Variants in WDR4 observed in about 807,000 individuals in gnomAD.
WDR4 encodes the protein tRNA (guanine-N(7)-)-methyltransferase non-catalytic subunit WDR4.
Under a neutral mutation model 48.6 loss-of-function variants are expected in WDR4, and 47 were observed. The ratio of observed to expected loss-of-function variants is 0.97; its 90% CI spans 0.77 to 1.23. WDR4 has a LOEUF of 1.23. Among genes scored for constraint, WDR4 ranks in the 50% most tolerant of loss-of-function variants. WDR4 has a pLI of 0.00. For missense variants in WDR4, 606 were observed against 551.6 expected, an observed-to-expected ratio of 1.10 and a Z score of -0.99; for synonymous variants, 268 against 230.0, an observed-to-expected ratio of 1.17 and a Z score of -1.49.
In WDR4 at chr21:42,862,192, G is replaced by C. The variant is rs1444461981; in HGVS notation, c.566+90C>G. 1 of 1,253,764 alleles carries C rather than the reference G, an allele frequency of 8.0e-7. No individual in the cohort carries two copies. Among genetic ancestry groups the C allele is most frequent in the African/African-American group, 1.5e-5 (1 of 67,168 alleles). 77.7% of individuals were successfully genotyped at this position (1,253,764 alleles called of 1,614,324 possible). A position where few individuals can be genotyped will look rare whatever the true frequency, so the allele number is the denominator to read the frequency against. On this transcript the variant is annotated intron_variant, in intron 5 of 10. Transcript: ENST00000398208. The surrounding 1 kb of genome is among the most constrained non-coding windows in gnomAD (Gnocchi z 4.3). ...GCTGCTGTCACCCGCGTGGGGCCTC[G>C]CCAGCTACAACGGCACCTGCTGAGC...
In WDR4 at chr21:42,851,096, G is replaced by C. The variant is rs1332875929; in HGVS notation, c.1046-854C>G. Among the ~76,000 whole-genome samples, 3 of 152,208 alleles carry C rather than the reference G, an allele frequency of 2.0e-5. No homozygotes were observed. In the East Asian group the frequency reaches 5.8e-4, roughly 29 times the overall value. On this transcript the variant is annotated intron_variant, in intron 10 of 10. Transcript: ENST00000398208. Reference sequence around the variant, plus strand: ...CCGGGAACAGGCTGCTCTATCTATGGAACATCTCAGGAGAGCGAGCCCAGG... The same window carrying C: ...CCGGGAACAGGCTGCTCTATCTATGCAACATCTCAGGAGAGCGAGCCCAGG...
At position 42,861,040 on chromosome 21, in the gene WDR4, G is replaced by A. The variant is rs575599520; in HGVS notation, c.566+1242C>T. Among the ~76,000 whole-genome samples, 11 of 152,304 alleles carry A rather than the reference G, an allele frequency of 7.2e-5. No homozygotes were observed. In the East Asian group the frequency reaches 1.2e-3, roughly 16 times the overall value. On this transcript the variant is annotated intron_variant, in intron 5 of 10. Transcript: ENST00000398208. ...AAAAGTAAACGGGCAGGCCGGGCACGGTGGCTCACGCCTGTAATCCCAGCA... is the reference window on the plus strand; with the variant it reads ...AAAAGTAAACGGGCAGGCCGGGCACAGTGGCTCACGCCTGTAATCCCAGCA...
chr21:42,877,256 G>A (rs570343363), intron 1 of WDR4, among the ~76,000 whole-genome samples: 7 of 143,718 alleles, frequency 4.9e-5, no homozygotes, highest in Admixed American at 7.3e-5. Flanking sequence ...CAATTCTCCC[G>A]CCTCAGCCTT....
intron 1 of WDR4, chr21:42,879,039 G>T: frequency 9.4e-7 from 1 of 1,061,616 alleles, no homozygotes; most frequent in Non-Finnish European, 1.1e-6. Flanking sequence ...GAGCGTGTTC[G>T]GCCGGGCCTT....
chr21:42,855,839 G>A (rs2057976513), intron 6 of WDR4, 59 bp from the exon 7 acceptor site: 2 of 1,374,246 alleles, frequency 1.5e-6, no homozygotes, highest in African/African-American at 1.4e-5. Context: ...CAGGTAGGGT[G>A]ACAGAGAGGA....
intron 10 of WDR4, among the ~76,000 whole-genome samples, chr21:42,850,558 A>C (rs1477137101): frequency 2.0e-5 from 3 of 152,094 alleles, no homozygotes; most frequent in Non-Finnish European, 4.4e-5. Flanking sequence ...CTGCACCATG[A>C]GCCGCCCTGT....
chr21:42,878,980 C>A lies in WDR4; in HGVS notation c.89+427G>T, dbSNP rs2058565165. On this transcript the variant is annotated intron_variant, in intron 1 of 10. Transcript: ENST00000398208. ...CAGTGAGCTCGCAGTGAGTAAGCCCCTCCCTTCTCACCAGGGAGACCCGAG... is the reference window on the plus strand; with the variant it reads ...CAGTGAGCTCGCAGTGAGTAAGCCCATCCCTTCTCACCAGGGAGACCCGAG... 1.7e-5 allele frequency: 17 copies of A among 1,000,728 alleles called. No individual in the cohort carries two copies. In the South Asian group the frequency reaches 6.7e-4, roughly 40 times the overall value. 62.0% of individuals were successfully genotyped at this position (1,000,728 alleles called of 1,614,324 possible).
intron 6 of WDR4, among the ~76,000 whole-genome samples, chr21:42,857,365 A>AG (rs1237186867): frequency 6.6e-6 from 1 of 151,274 alleles, no homozygotes; most frequent in Non-Finnish European, 1.5e-5. Flanking sequence ...TCCACAGGCA[A>AG]GGGGCTGCTG....
intron 4 of WDR4, 59 bp downstream of exon 4, chr21:42,863,381 C>G: frequency 1.3e-6 from 2 of 1,548,874 alleles, no homozygotes; most frequent in Non-Finnish European, 1.8e-6. Flanking sequence ...CGTGCCACGT[C>G]CCCCATGTAC....
intron 2 of WDR4, 90 bp from the exon 3 acceptor site, chr21:42,873,781 G>A: frequency 3.3e-6 from 5 of 1,494,272 alleles, no homozygotes; most frequent in Non-Finnish European, 4.5e-6. Context: ...TCTAACATGG[G>A]AGGAGGTAGA....
chr21:42,857,442 C>T (rs943866511), intron 6 of WDR4, among the ~76,000 whole-genome samples: 4 of 152,178 alleles, frequency 2.6e-5, no homozygotes, highest in Non-Finnish European at 5.9e-5. Context: ...CCTCTGAGGC[C>T]GGCTGGTGCT....
At chr21:42,860,620 G>A (rs558897366) in intron 5 of WDR4, among the ~76,000 whole-genome samples, 306 of 152,340 alleles carry the variant, frequency 2.0e-3, no homozygotes, top group Non-Finnish European at 3.1e-3. Context: ...GCCCTGCACG[G>A]CACCACAGCA....
At chr21:42,877,876 T>C (rs2058534040) in intron 1 of WDR4, among the ~76,000 whole-genome samples, 1 of 151,738 alleles carries the variant, frequency 6.6e-6, no homozygotes, top group Non-Finnish European at 1.5e-5. Context: ...AACCCCCATC[T>C]CCACTAAAAA....
downstream of WDR4, among the ~76,000 whole-genome samples, chr21:42,848,710 ACT>A (rs1441655497): frequency 9.7e-6 from 1 of 103,070 alleles, no homozygotes; most frequent in Admixed American, 1.0e-4. Flanking sequence ...CGCACACCTC[ACT>A]CACACAGCGC....
rs2057974835 is a variant in WDR4, at chr21:42,855,792, A to G, written c.628-12T>C. The G allele has an allele frequency of 6.5e-7, 1 of 1,543,044 alleles. No homozygotes were observed. Among genetic ancestry groups the G allele is most frequent in the African/African-American group, 1.4e-5 (1 of 72,798 alleles). ...CTCAGGGTGCCGTCCTGCACAAACC[A>G]AACACACAGGTTAGCACATGGTTGT... On this transcript the variant is annotated splice_polypyrimidine_tract_variant and intron_variant, in intron 6 of 10. Coordinates refer to ENST00000398208, the MANE Select transcript of WDR4 (RefSeq NM_018669.6).
chr21:42,843,637 G>A lies in WDR4; in HGVS notation c.*9-356C>T, dbSNP rs890679162. Among the ~76,000 whole-genome samples the A allele has an allele frequency of 5.9e-5, 9 of 151,578 alleles. No individual in the cohort carries two copies. In the South Asian group the frequency reaches 1.0e-3, roughly 18 times the overall value. On this transcript the variant is annotated intron_variant, in intron 11 of 11. Transcript: ENST00000330317. The stretch of plus-strand genomic sequence containing the variant: ...CGCCCAGGCTGGAGTACAGTGGCGC[G>A]ATCTCGGCTCACTGCAACCTCCGCC...
upstream of WDR4, among the ~76,000 whole-genome samples, chr21:42,880,685 T>C (rs2058600584): frequency 6.6e-6 from 1 of 152,212 alleles, no homozygotes; most frequent in African/African-American, 2.4e-5. Context: ...CTCTGCCCTC[T>C]TGGGTGTCCC....
At chr21:42,882,344 C>A, upstream of WDR4, among the ~76,000 whole-genome samples, 1 of 150,392 alleles carries the variant, frequency 6.6e-6, no homozygotes, top group East Asian at 2.0e-4. Context: ...GAGCAGATCA[C>A]CTGAGGTCAG....
chr21:42,853,574 A>G lies in WDR4; in HGVS notation c.970T>C (p.Trp324Arg). ...TGGAAGGTGCCGAGTCTCACCTGCC[A>G]CTGGTCGCCCACAGGCCTGTAGAGC... is the stretch of plus-strand genomic sequence containing the variant. ...LVLYRPVGDQ[W>R]QSVPESTVLK... Residue 324 changes from tryptophan (W) to arginine (R), a missense_variant, in exon 9 of 11, where the codon TGG becomes CGG. Trp to Arg is a moderately radical substitution (Grantham distance 101). Coordinates refer to ENST00000398208, the MANE Select transcript of WDR4 (RefSeq NM_018669.6). 1.9e-6 allele frequency: 3 copies of G among 1,608,162 alleles called. No homozygotes were observed. The highest frequency in any genetic ancestry group is 2.5e-6 in the Non-Finnish European group (3 of 1,177,322).
Sources: gnomAD v4.1 joint callset for allele counts (sites outside exome capture counted in the v4.1 genomes callset) on GRCh38, gnomAD v4.1.1 for gene constraint, Gnocchi (gnomAD v3.1) non-coding constraint, MANE v1.5 for transcripts, NCBI Gene and HGNC (gene_info 2026-07-23, HGNC 2026-07-21) for gene names.